NARS2: variants seen among roughly 807,000 people sequenced by gnomAD.
NARS2 encodes asparaginyl-tRNA synthetase 2, mitochondrial, also known as asparaginyl-tRNA synthetase.
NARS2 carries 60 observed loss-of-function variants against 62.9 expected under a neutral mutation model. The observed-to-expected ratio is 0.95, with a 90% CI of 0.77 to 1.18. The LOEUF (loss-of-function observed/expected upper bound fraction) is 1.18, where lower values mean the gene tolerates loss of function less well. Ranked by LOEUF, NARS2 falls within the 50% of genes most tolerant of loss-of-function variation. The probability of loss-of-function intolerance (pLI) is 0.00; values close to 1 mark genes in which losing one functional copy is unlikely to be tolerated. For synonymous variants in NARS2, 196 were observed against 200.0 expected, an observed-to-expected ratio of 0.98 and a Z score of 0.17; for missense variants, 619 against 576.4, an observed-to-expected ratio of 1.07 and a Z score of -0.76.
intron 1 of NARS2, among the ~76,000 whole-genome samples, chr11:78,573,716 C>T (rs1489165466): frequency 6.6e-6 from 1 of 152,148 alleles, no homozygotes. Context: ...CTTCCATTAC[C>T]TCATTTAATT....
At chr11:78,522,303 G>A (rs1861159846) in intron 6 of NARS2, among the ~76,000 whole-genome samples, 1 of 152,150 alleles carries the variant, frequency 6.6e-6, no homozygotes, top group African/African-American at 2.4e-5. Context: ...TTGTGTAAGT[G>A]AAATCTCAGA....
chr11:78,462,981 T>G (rs1307512374), intron 11 of NARS2, among the ~76,000 whole-genome samples: 1 of 152,230 alleles, frequency 6.6e-6, no homozygotes, highest in African/African-American at 2.4e-5. Context: ...CTTTTACAAC[T>G]AATAATATTA....
intron 6 of NARS2, among the ~76,000 whole-genome samples, chr11:78,520,088 C>T (rs1034442730): frequency 2.0e-5 from 3 of 152,096 alleles, no homozygotes; most frequent in Non-Finnish European, 4.4e-5. Flanking sequence ...TAATTCACGA[C>T]TCATATACTC....
chr11:78,507,085 T>C (rs565138836), intron 6 of NARS2, among the ~76,000 whole-genome samples: 4 of 152,182 alleles, frequency 2.6e-5, no homozygotes, highest in East Asian at 3.9e-4. Flanking sequence ...TAGGCCTAGA[T>C]TGCTGATTGT....
intron 5 of NARS2, among the ~76,000 whole-genome samples, chr11:78,552,659 A>G (rs1236913286): frequency 5.9e-5 from 9 of 152,110 alleles, no homozygotes; most frequent in African/African-American, 1.9e-4. Flanking sequence ...GAATGCAACC[A>G]CTAGTCTCTT....
intron 5 of NARS2, among the ~76,000 whole-genome samples, chr11:78,545,014 T>G (rs892826721): frequency 6.6e-6 from 1 of 152,078 alleles, no homozygotes; most frequent in African/African-American, 2.4e-5. Flanking sequence ...CACACCTGTT[T>G]AAGTCCTAAT....
Position 78,543,230 on chromosome 11 carries a change from T to G in NARS2, c.595-14294A>C, listed in dbSNP as rs553412606. On this transcript the variant is annotated intron_variant, in intron 5 of 13. Coordinates refer to ENST00000281038, the MANE Select transcript of NARS2 (RefSeq NM_024678.6). Reference sequence around the variant, plus strand: ...CATACTCATATAAAAGTCACGATTTTGATGCTATCCAAAGATTATCCAAAA... The same window carrying G: ...CATACTCATATAAAAGTCACGATTTGGATGCTATCCAAAGATTATCCAAAA... Among the ~76,000 whole-genome samples the G allele has an allele frequency of 2.3e-4, 35 of 152,344 alleles. No individual in the cohort carries two copies. The South Asian group carries it at 2.5e-3, about 11-fold the overall frequency.
intron 5 of NARS2, among the ~76,000 whole-genome samples, chr11:78,556,007 G>C (rs1017931949): frequency 6.6e-6 from 1 of 152,098 alleles, no homozygotes; most frequent in Non-Finnish European, 1.5e-5. Context: ...CTTTTGTGTT[G>C]ACTTCTATTT....
intron 12 of NARS2, among the ~76,000 whole-genome samples, chr11:78,441,781 G>T (rs545561871): frequency 5.9e-5 from 9 of 151,680 alleles, no homozygotes; most frequent in African/African-American, 2.2e-4. Flanking sequence ...CACAGACAAG[G>T]GACACAGAGA....
intron 4 of NARS2, 27 bp downstream of exon 4, chr11:78,566,105 G>C: frequency 6.3e-7 from 1 of 1,582,226 alleles, no homozygotes; most frequent in Non-Finnish European, 8.6e-7. Flanking sequence ...TGTTTAAAGG[G>C]TCAAGAGGGA....
intron 1 of NARS2, among the ~76,000 whole-genome samples, chr11:78,572,119 T>A (rs1405033104): frequency 6.6e-6 from 1 of 151,974 alleles, no homozygotes; most frequent in Non-Finnish European, 1.5e-5. Flanking sequence ...GAGGCGGAGG[T>A]TGCAGTGAGC....
chr11:78,493,325 T>C lies in NARS2; in HGVS notation c.690-130A>G, dbSNP rs1859911925. On this transcript the variant is annotated intron_variant, in intron 6 of 13. Transcript: ENST00000281038. ...GTCTTGTCCACAGACTGACACATATTTGCTGCTACATATTTCTCTAATAGG... is the reference window on the plus strand; with the variant it reads ...GTCTTGTCCACAGACTGACACATATCTGCTGCTACATATTTCTCTAATAGG... 5.0e-6 allele frequency: 4 copies of C among 807,658 alleles called. No individual in the cohort carries two copies. The Admixed American group carries it at 8.3e-5, about 17-fold the overall frequency. The allele number at this position is 807,658 out of a possible 1,614,324, so 50.0% of individuals were successfully genotyped here.
At chr11:78,481,353 T>C (rs1859347438) in intron 7 of NARS2, among the ~76,000 whole-genome samples, 1 of 152,158 alleles carries the variant, frequency 6.6e-6, no homozygotes, top group Non-Finnish European at 1.5e-5. Flanking sequence ...AGCAGTGAGA[T>C]AAATAAATTA....
chr11:78,532,142 G>A (rs1391255108), intron 5 of NARS2, among the ~76,000 whole-genome samples: 3 of 152,058 alleles, frequency 2.0e-5, no homozygotes, highest in Non-Finnish European at 2.9e-5. Flanking sequence ...GTAATCTTAC[G>A]TACTTATGGT....
At chr11:78,557,245 T>C (rs1428715254) in intron 5 of NARS2, among the ~76,000 whole-genome samples, 3 of 152,208 alleles carry the variant, frequency 2.0e-5, no homozygotes, top group Admixed American at 6.5e-5. Context: ...TTAATGACAC[T>C]TCATTTCTGT....
At chr11:78,501,513 C>T (rs1379694970) in intron 6 of NARS2, among the ~76,000 whole-genome samples, 1 of 152,158 alleles carries the variant, frequency 6.6e-6, no homozygotes, top group African/African-American at 2.4e-5. Flanking sequence ...GTTCAGGGCT[C>T]TACCTCTGAA....
chr11:78,457,634 G>T (rs1040132724), intron 11 of NARS2, among the ~76,000 whole-genome samples: 2 of 152,134 alleles, frequency 1.3e-5, no homozygotes, highest in Non-Finnish European at 2.9e-5. Flanking sequence ...ATAAATTATG[G>T]AAGTATGTTA....
At position 78,491,457 on chromosome 11, in the gene NARS2, T is replaced by C. The variant is rs186000959; in HGVS notation, c.822+1606A>G. Among the ~76,000 whole-genome samples, 751 of 152,390 alleles carry C rather than the reference T, an allele frequency of 4.9e-3. 2 individuals are homozygous for C. Among genetic ancestry groups the C allele is most frequent in the Non-Finnish European group, 6.8e-3 (464 of 68,042 alleles). ...AATATTACTAACTGCTGATGGTTTA[T>C]AGTTGAGTGCTTCATCAGGAACTGT... is the stretch of plus-strand genomic sequence containing the variant. On this transcript the variant is annotated intron_variant, in intron 7 of 13. Coordinates refer to ENST00000281038, the MANE Select transcript of NARS2 (RefSeq NM_024678.6).
chr11:78,544,679 A>G (rs1208585194), intron 5 of NARS2, among the ~76,000 whole-genome samples: 3 of 152,008 alleles, frequency 2.0e-5, no homozygotes, highest in Admixed American at 2.0e-4. Context: ...CTGTAGTCCC[A>G]GCTACTCGGG....
Sources: allele counts gnomAD v4.1 joint callset (sites outside exome capture counted in the v4.1 genomes callset), GRCh38; gene constraint gnomAD v4.1.1; transcripts MANE v1.5; gene names NCBI Gene and HGNC (gene_info 2026-07-23, HGNC 2026-07-21).